The following MKLN1 variants were observed in gnomAD, a reference collection of about 807,000 sequenced individuals.
MKLN1 encodes muskelin.
MKLN1 carries 18 observed loss-of-function variants against 99.0 expected under a neutral mutation model. The observed-to-expected ratio is 0.18, with a 90% CI of 0.13 to 0.27. MKLN1 has a LOEUF of 0.27. Ranked by LOEUF, MKLN1 falls within the 10% of genes least tolerant of loss-of-function variation. The pLI is 1.00. For synonymous variants in MKLN1, 288 were observed against 293.2 expected (o/e 0.98, Z 0.18); for missense variants, 621 against 875.9 (o/e 0.71, Z 3.67).
In MKLN1 at chr7:131,174,670, A is replaced by G. The variant is rs1157089128; in HGVS notation, c.-296-28187A>G. Among the ~76,000 whole-genome samples, 6 of 152,174 alleles carry G rather than the reference A, an allele frequency of 3.9e-5. No individual in the cohort carries two copies. In the East Asian group the frequency reaches 9.6e-4, roughly 24 times the overall value. On this transcript the variant is annotated intron_variant, in intron 2 of 7. Coordinates refer to the MKLN1 transcript ENST00000416992. ...TAAACAGACTCACACACATTTTACA[A>G]TAACCAATTTTGGAATAAAAAATGA...
At chr7:131,183,865 G>A (rs1193964652) in intron 2 of MKLN1, among the ~76,000 whole-genome samples, 1 of 152,098 alleles carries the variant, frequency 6.6e-6, no homozygotes, top group Non-Finnish European at 1.5e-5. Flanking sequence ...TTTAGCCTCT[G>A]TTGTGCCTCA....
rs1330292794 is a variant in MKLN1, at chr7:131,282,365, A to AG, written c.-179+79391_-179+79392insG. ...ACTCCGTCTCAAAAAAAAAAAAAAA[A>AG]AAAAGAAAGATGAAGAAAACATGGT... On this transcript the variant is annotated intron_variant, in intron 3 of 7. Transcript: ENST00000416992. Among the ~76,000 whole-genome samples the AG allele has an allele frequency of 2.0e-5, 3 of 151,908 alleles. No homozygotes were observed. The South Asian group carries it at 6.2e-4, about 32-fold the overall frequency.
chr7:131,150,608 A>T (rs1450082437), intron 2 of MKLN1, among the ~76,000 whole-genome samples: 1 of 152,184 alleles, frequency 6.6e-6, no homozygotes, highest in Non-Finnish European at 1.5e-5. Context: ...TTGCAAGTGT[A>T]GATTGAGTTT....
In MKLN1 at chr7:131,487,473, G is replaced by T. The variant is rs1359359141; in HGVS notation, c.2087-134G>T. The T allele has an allele frequency of 1.1e-6, 1 of 926,242 alleles. No homozygotes were observed. The highest frequency in any genetic ancestry group is 2.6e-5 in the Admixed American group (1 of 38,898). 57.4% of individuals were successfully genotyped at this position (926,242 alleles called of 1,614,324 possible). On this transcript the variant is annotated intron_variant, in intron 17 of 17. Coordinates refer to ENST00000352689, the MANE Select transcript of MKLN1 (RefSeq NM_013255.5). This position sits in a 1 kb window ranked among gnomAD's most constrained non-coding sequence, Gnocchi z 4.7. ...CAGCCAGGTAGTAGAACTGGGGTCA[G>T]ATCAGTAGTGTCTGCCTGGTTTTGA...
chr7:131,158,707 A>G (rs1796004599), intron 2 of MKLN1, among the ~76,000 whole-genome samples: 1 of 152,190 alleles, frequency 6.6e-6, no homozygotes, highest in Non-Finnish European at 1.5e-5. Flanking sequence ...CTTTATGAAA[A>G]GGACTGAGCA....
At chr7:131,299,165 C>T (rs1798339000) in intron 3 of MKLN1, among the ~76,000 whole-genome samples, 1 of 152,164 alleles carries the variant, frequency 6.6e-6, no homozygotes, top group African/African-American at 2.4e-5. Context: ...GTTATTTCCT[C>T]AAGAAGACAC....
rs115138763 is a variant in MKLN1, at chr7:131,278,426, G to A, written c.-179+75452G>A. 6.0e-3 allele frequency among the ~76,000 whole-genome samples: 919 copies of A among 152,074 alleles called. 7 individuals carry two copies. The highest frequency in any genetic ancestry group is 0.021 in the African/African-American group (851 of 41,480). On this transcript the variant is annotated intron_variant, in intron 3 of 7. Transcript: ENST00000416992. ...CTATTATTATTTAGTTTAAGGAGGG[G>A]CCATATTCTAAGGCCCTTGAATGCA...
intron 15 of MKLN1, among the ~76,000 whole-genome samples, chr7:131,469,139 A>T (rs1258432347): frequency 1.3e-5 from 2 of 152,066 alleles, no homozygotes; most frequent in Admixed American, 6.6e-5. Flanking sequence ...ATAGATAGAT[A>T]GATTGATTAG....
At chr7:131,118,319 C>T (rs768362800) in intron 1 of MKLN1, among the ~76,000 whole-genome samples, 4 of 152,000 alleles carry the variant, frequency 2.6e-5, no homozygotes, top group Non-Finnish European at 4.4e-5. Flanking sequence ...TTTGGGAGGC[C>T]GAGGTGGGTG....
intron 4 of MKLN1, among the ~76,000 whole-genome samples, chr7:131,391,608 T>G (rs1306771549): frequency 1.3e-5 from 2 of 152,236 alleles, no homozygotes; most frequent in African/African-American, 4.8e-5. Flanking sequence ...AGAGTACCAG[T>G]AAAGCTGAAC....
chr7:131,343,175 T>G (rs990526182), intron 1 of MKLN1, among the ~76,000 whole-genome samples: 6 of 152,234 alleles, frequency 3.9e-5, no homozygotes, highest in Non-Finnish European at 8.8e-5. Flanking sequence ...TTTTGCCATT[T>G]TTTTGCATTT....
chr7:131,167,826 A>G (rs185061653), intron 2 of MKLN1, among the ~76,000 whole-genome samples: 365 of 152,332 alleles, frequency 2.4e-3, no homozygotes, highest in Non-Finnish European at 3.0e-3. Context: ...ACTTAATGAT[A>G]TATTATTCAC....
Position 131,398,284 on chromosome 7 carries a change from CATCT to C in MKLN1, c.510+912_510+915del, listed in dbSNP as rs1427230633. Among the ~76,000 whole-genome samples, 107 of 152,102 alleles carry C rather than the reference CATCT, an allele frequency of 7.0e-4. 1 individual carries two copies. Among genetic ancestry groups the C allele is most frequent in the Non-Finnish European group, 1.2e-4 (8 of 68,014 alleles). On this transcript the variant is annotated intron_variant, in intron 5 of 17. Coordinates refer to ENST00000352689, the MANE Select transcript of MKLN1 (RefSeq NM_013255.5). Reference sequence around the variant, plus strand: ...CCTTTTTATAAGATTGTATTTTTGGCATCTATCCTATTAGGGGAAAATTTTAATA... The same window carrying C: ...CCTTTTTATAAGATTGTATTTTTGGCATCCTATTAGGGGAAAATTTTAATA...
At chr7:131,340,642 A>G (rs1384717109) in intron 1 of MKLN1, among the ~76,000 whole-genome samples, 1 of 152,188 alleles carries the variant, frequency 6.6e-6, no homozygotes, top group Non-Finnish European at 1.5e-5. Context: ...AACTAGACCA[A>G]AAACTCCATA....
intron 2 of MKLN1, among the ~76,000 whole-genome samples, chr7:131,149,866 G>A (rs1323809807): frequency 6.6e-6 from 1 of 152,134 alleles, no homozygotes; most frequent in African/African-American, 2.4e-5. Flanking sequence ...CCTTTAGTTT[G>A]CTGGTCATCA....
intron 3 of MKLN1, among the ~76,000 whole-genome samples, chr7:131,290,396 A>G (rs1425082212): frequency 2.6e-5 from 4 of 152,196 alleles, no homozygotes; most frequent in Non-Finnish European, 4.4e-5. Flanking sequence ...CTAATACTCT[A>G]TGTAAATTTG....
chr7:131,337,406 C>T (rs1443643479), intron 1 of MKLN1, among the ~76,000 whole-genome samples: 4 of 151,684 alleles, frequency 2.6e-5, no homozygotes, highest in Non-Finnish European at 5.9e-5. Flanking sequence ...GATTTTTTTC[C>T]TCCTCTTATC....
chr7:131,237,667 T>C (rs879150349), intron 3 of MKLN1, among the ~76,000 whole-genome samples: 1 of 152,134 alleles, frequency 6.6e-6, no homozygotes, highest in Non-Finnish European at 1.5e-5. Flanking sequence ...GTTTATGATA[T>C]GATGTTCTGT....
At chr7:131,146,791 T>C (rs966997839) in intron 2 of MKLN1, among the ~76,000 whole-genome samples, 3 of 152,350 alleles carry the variant, frequency 2.0e-5, no homozygotes, top group Admixed American at 1.3e-4. Context: ...GTTTGAACAA[T>C]ATTCATTTAA....
Sources: gnomAD v4.1 joint callset for allele counts (sites outside exome capture counted in the v4.1 genomes callset) on GRCh38, gnomAD v4.1.1 for gene constraint, Gnocchi (gnomAD v3.1) non-coding constraint, MANE v1.5 for transcripts, NCBI Gene and HGNC (gene_info 2026-07-23, HGNC 2026-07-21) for gene names.